ROBO2: variants seen among roughly 807,000 people sequenced by gnomAD.
The protein encoded by ROBO2 is roundabout homolog 2.
A neutral mutation model predicts 160.8 loss-of-function variants in ROBO2; 53 were observed. That is an observed-to-expected ratio of 0.33 (90% confidence interval 0.26 to 0.41). The LOEUF (loss-of-function observed/expected upper bound fraction) is 0.41, where lower values mean the gene tolerates loss of function less well. Among genes scored for constraint, ROBO2 ranks in the 10% least tolerant of loss-of-function variants. The probability of loss-of-function intolerance (pLI) is 1.00; values close to 1 mark genes in which losing one functional copy is unlikely to be tolerated. For missense variants in ROBO2, 1,577 were observed against 1,722.4 expected (o/e 0.92, Z 1.49); for synonymous variants, 664 against 611.7 (o/e 1.09, Z -1.26).
chr3:76,174,292 A>T (rs1482958205), intron 2 of ROBO2, among the ~76,000 whole-genome samples: 2 of 151,706 alleles, frequency 1.3e-5, no homozygotes, highest in East Asian at 1.9e-4. Flanking sequence ...TGTTGCAAAA[A>T]TTTTCTCCCA....
intron 2 of ROBO2, among the ~76,000 whole-genome samples, chr3:76,834,146 C>A (rs1166942): frequency 8.3e-6 from 1 of 120,864 alleles, no homozygotes; most frequent in African/African-American, 3.2e-5. Context: ...TTCCTTCCTT[C>A]CTTTCTTTCT....
intron 2 of ROBO2, among the ~76,000 whole-genome samples, chr3:77,219,079 C>T (rs2085367043): frequency 6.6e-6 from 1 of 152,070 alleles, no homozygotes; most frequent in Admixed American, 6.6e-5. Context: ...AGTGATTCTC[C>T]TGCCTCAGCC....
exon 21 of ROBO2, chr3:77,607,898 C>T (rs181916448): frequency 1.2e-6 from 2 of 1,613,986 alleles, no homozygotes; most frequent in East Asian, 2.2e-5. Context: ...CCCCCCCAGT[C>T]CAGCCCCTTC....
chr3:77,539,019 G>T, intron 6 of ROBO2: 1 of 373,168 alleles, frequency 2.7e-6, no homozygotes, highest in Non-Finnish European at 5.3e-6. Context: ...CCGGGTTCAA[G>T]CAATTCTCCT....
chr3:77,006,154 G>T (rs2149440441), intron 2 of ROBO2, among the ~76,000 whole-genome samples: 1 of 151,906 alleles, frequency 6.6e-6, no homozygotes, highest in East Asian at 1.9e-4. Flanking sequence ...AGTCTTTCCT[G>T]CCTGTTATGT....
chr3:76,304,942 G>C (rs1010389032), intron 2 of ROBO2, among the ~76,000 whole-genome samples: 1 of 151,822 alleles, frequency 6.6e-6, no homozygotes, highest in Non-Finnish European at 1.5e-5. Context: ...TTGGTCTGAT[G>C]TAAGGTGTTC....
chr3:77,549,438 G>A (rs538672932), intron 7 of ROBO2, among the ~76,000 whole-genome samples: 1 of 152,022 alleles, frequency 6.6e-6, no homozygotes, highest in South Asian at 2.1e-4. Context: ...TTCTCAAATT[G>A]TGTTTCTATG....
intron 2 of ROBO2, among the ~76,000 whole-genome samples, chr3:76,638,353 G>C (rs1473675449): frequency 6.6e-6 from 1 of 152,056 alleles, no homozygotes; most frequent in East Asian, 1.9e-4. Context: ...TATTGGAAGG[G>C]CAAAATAATT....
At chr3:77,263,060 G>C (rs34363281) in intron 2 of ROBO2, among the ~76,000 whole-genome samples, 1 of 151,770 alleles carries the variant, frequency 6.6e-6, no homozygotes, top group South Asian at 2.1e-4. Context: ...TGTTTTCTAC[G>C]TTGTAGTGAA....
chr3:77,028,416 A>G (rs2063106165), intron 2 of ROBO2, among the ~76,000 whole-genome samples: 1 of 152,130 alleles, frequency 6.6e-6, no homozygotes, highest in Non-Finnish European at 1.5e-5. Flanking sequence ...AAAACTTAAC[A>G]AAACTATCTG....
rs186509394 is a variant in ROBO2 at position 77,304,465 on chromosome 3, G to A, written c.389-172949G>A. On this transcript the variant is annotated intron_variant, in intron 2 of 25. Transcript: ENST00000461745. ...CCACATGAAGTGAGAGCCGTTAGACGCAGCAATGAGATTACTGCTCCAGAA... is the reference window on the plus strand; with the variant it reads ...CCACATGAAGTGAGAGCCGTTAGACACAGCAATGAGATTACTGCTCCAGAA... Among the ~76,000 whole-genome samples, 3 of 152,208 alleles carry A rather than the reference G, an allele frequency of 2.0e-5. No homozygotes were observed. The East Asian group carries it at 5.8e-4, about 29-fold the overall frequency.
intron 2 of ROBO2, among the ~76,000 whole-genome samples, chr3:76,812,919 T>TTTTTTTA (rs2065327120): frequency 6.8e-6 from 1 of 147,588 alleles, no homozygotes; most frequent in East Asian, 2.0e-4. Flanking sequence ...ATTTTTTTTT[T>TTTTTTTA]TTTTTTTTTT....
intron 2 of ROBO2, among the ~76,000 whole-genome samples, chr3:77,019,020 CAA>C (rs2149496066): frequency 6.6e-6 from 1 of 152,270 alleles, no homozygotes; most frequent in East Asian, 1.9e-4. Context: ...TGTGGGGCAA[CAA>C]GAGCATCCTT....
chr3:76,998,929 A>G (rs2061184179), intron 2 of ROBO2, among the ~76,000 whole-genome samples: 1 of 152,148 alleles, frequency 6.6e-6, no homozygotes, highest in Non-Finnish European at 1.5e-5. Flanking sequence ...CTACTTACTG[A>G]AGCAGACCCA....
intron 6 of ROBO2, among the ~76,000 whole-genome samples, chr3:77,525,043 A>G (rs550582007): frequency 1.3e-5 from 2 of 151,490 alleles, no homozygotes; most frequent in South Asian, 4.1e-4. Flanking sequence ...GAAAAAAAAG[A>G]CAACACTGTT....
chr3:76,829,805 A>C (rs1285162299), intron 2 of ROBO2, among the ~76,000 whole-genome samples: 3 of 151,976 alleles, frequency 2.0e-5, no homozygotes, highest in African/African-American at 4.8e-5. Context: ...AGTAGCTGGG[A>C]TTACAGGCAT....
At chr3:76,780,479 T>C (rs1011151539) in intron 2 of ROBO2, among the ~76,000 whole-genome samples, 2 of 150,866 alleles carry the variant, frequency 1.3e-5, no homozygotes, top group Non-Finnish European at 3.0e-5. Context: ...AAGCTTTTGG[T>C]GTCAGAACCA....
In ROBO2 at chr3:77,293,328, T is replaced by TA. The variant is rs1177409188; in HGVS notation, c.389-184085dup. Among the ~76,000 whole-genome samples, 118 of 148,100 alleles carry TA rather than the reference T, an allele frequency of 8.0e-4. 1 individual carries two copies. Among genetic ancestry groups the TA allele is most frequent in the African/African-American group, 2.9e-3 (114 of 39,832 alleles). Reference sequence around the variant, plus strand: ...TGATGGTTAAACGGGAAGTTGAGGCTAGAACAGTAAAGACATAAAGTAAAA... The same window carrying TA: ...TGATGGTTAAACGGGAAGTTGAGGCTAAGAACAGTAAAGACATAAAGTAAAA... On this transcript the variant is annotated intron_variant, in intron 2 of 25. Coordinates refer to ENST00000461745, the Ensembl canonical transcript of ROBO2.
intron 2 of ROBO2, among the ~76,000 whole-genome samples, chr3:76,941,262 C>T (rs1464569619): frequency 3.9e-5 from 6 of 152,112 alleles, no homozygotes; most frequent in Non-Finnish European, 7.3e-5. Context: ...TGCTTCTGTG[C>T]TTGTCCACTT....
Sources: allele counts gnomAD v4.1 joint callset (sites outside exome capture counted in the v4.1 genomes callset), GRCh38; gene constraint gnomAD v4.1.1; transcripts MANE v1.5; gene names NCBI Gene and HGNC (gene_info 2026-07-23, HGNC 2026-07-21).